BRINP2: variants seen among roughly 807,000 people sequenced by gnomAD.
The protein encoded by BRINP2 is BMP/retinoic acid-inducible neural-specific protein 2.
A neutral mutation model predicts 69.2 loss-of-function variants in BRINP2; 21 were observed. The ratio of observed to expected loss-of-function variants is 0.30; its 90% confidence interval spans 0.22 to 0.44. BRINP2 has a LOEUF of 0.44. Ranked by LOEUF, BRINP2 falls within the 20% of genes least tolerant of loss-of-function variation. The probability of loss-of-function intolerance (pLI) is 1.00; values close to 1 mark genes in which losing one functional copy is unlikely to be tolerated. For synonymous variants in BRINP2, 380 were observed against 394.1 expected (o/e 0.96, Z 0.42); for missense variants, 877 against 986.0 (o/e 0.89, Z 1.48).
At chr1:177,243,149 C>A (rs1267017248) in intron 2 of BRINP2, among the ~76,000 whole-genome samples, 2 of 151,800 alleles carry the variant, frequency 1.3e-5, no homozygotes, top group Admixed American at 1.3e-4. Context: ...AATGAGAAAT[C>A]TAGAGAAGAG....
intron 4 of BRINP2, among the ~76,000 whole-genome samples, chr1:177,267,536 T>A (rs557260677): frequency 7.9e-4 from 120 of 152,340 alleles, no homozygotes; most frequent in Admixed American, 1.8e-3. Flanking sequence ...ATGTCCTCGG[T>A]TCCTGATATA....
chr1:177,260,084 A>G (rs1650897953), intron 4 of BRINP2, among the ~76,000 whole-genome samples: 1 of 152,246 alleles, frequency 6.6e-6, no homozygotes, highest in Non-Finnish European at 1.5e-5. Context: ...TCTAGATGCC[A>G]TTATGAACAT....
intron 1 of BRINP2, among the ~76,000 whole-genome samples, chr1:177,199,332 G>A (rs1364984578): frequency 6.6e-6 from 1 of 152,072 alleles, no homozygotes; most frequent in African/African-American, 2.4e-5. Context: ...ACTTTTTAAG[G>A]ACAACTTTGC....
At chr1:177,229,765 G>A (rs903383046) in intron 1 of BRINP2, 36 bp from the exon 2 acceptor site, 9 of 1,422,526 alleles carry the variant, frequency 6.3e-6, no homozygotes, top group Non-Finnish European at 8.5e-6. Context: ...GGGGTAACAG[G>A]GTGCTCAAAT....
At chr1:177,222,287 T>C (rs1187794737) in intron 1 of BRINP2, among the ~76,000 whole-genome samples, 1 of 152,156 alleles carries the variant, frequency 6.6e-6, no homozygotes, top group Non-Finnish European at 1.5e-5. Context: ...CACACAGCAC[T>C]CACCATGGGC....
chr1:177,244,454 T>G (rs546117868), intron 2 of BRINP2, among the ~76,000 whole-genome samples: 1 of 152,178 alleles, frequency 6.6e-6, no homozygotes, highest in African/African-American at 2.4e-5. Context: ...AACAGCAAAA[T>G]TCAGTAGTTT....
At chr1:177,277,243 C>T (rs1413281004) in intron 6 of BRINP2, among the ~76,000 whole-genome samples, 1 of 150,858 alleles carries the variant, frequency 6.6e-6, no homozygotes, top group Non-Finnish European at 1.5e-5. Context: ...ATAATGTTTA[C>T]AAACAGGATA....
chr1:177,176,799 C>T (rs1230635932), intron 1 of BRINP2, among the ~76,000 whole-genome samples: 1 of 152,080 alleles, frequency 6.6e-6, no homozygotes, highest in Non-Finnish European at 1.5e-5. Flanking sequence ...ATTAAGCCCA[C>T]CCAAAGCCTT....
chr1:177,280,314 C>A, intron 7 of BRINP2, 98 bp from the exon 8 acceptor site: 1 of 1,227,226 alleles, frequency 8.1e-7, no homozygotes, highest in Non-Finnish European at 1.1e-6. Context: ...TTCCTCATTG[C>A]CTTCCACGCC....
chr1:177,258,145 A>G (rs1034304716), intron 4 of BRINP2, among the ~76,000 whole-genome samples: 3 of 152,224 alleles, frequency 2.0e-5, no homozygotes, highest in Admixed American at 6.5e-5. Context: ...TTTAATAACT[A>G]TAACCTTCAT....
intron 1 of BRINP2, among the ~76,000 whole-genome samples, chr1:177,207,633 C>G (rs886657360): frequency 6.6e-6 from 1 of 152,126 alleles, no homozygotes; most frequent in Admixed American, 6.6e-5. Context: ...CTGCATCTTT[C>G]TCTATGAAAC....
chr1:177,191,786 A>T (rs1470427031), intron 1 of BRINP2, among the ~76,000 whole-genome samples: 1 of 152,178 alleles, frequency 6.6e-6, no homozygotes, highest in Non-Finnish European at 1.5e-5. Flanking sequence ...GGTTCATTTG[A>T]TTCATGTGTC....
intron 1 of BRINP2, among the ~76,000 whole-genome samples, chr1:177,206,592 AG>A: frequency 6.6e-6 from 1 of 152,218 alleles, no homozygotes; most frequent in Non-Finnish European, 1.5e-5. Flanking sequence ...TTGGCCTTAA[AG>A]CACGTGGTCA....
At chr1:177,271,409 G>A (rs1024278149) in intron 4 of BRINP2, among the ~76,000 whole-genome samples, 8 of 152,212 alleles carry the variant, frequency 5.3e-5, no homozygotes, top group Non-Finnish European at 7.3e-5. Flanking sequence ...GTGATGGCAT[G>A]TAAAGGGTTT....
In BRINP2 at chr1:177,273,493, C is replaced by T. The variant is rs976932; in HGVS notation, c.675C>T (p.Thr225=). ...IQIATGAIKV[T]ETRTGPLGCS... ...CCTACTCCTTCCTTCTCTAGGTCAC[C>T]GAGACCAGGACCGGTCCTCTGGGCT... Residue 225 remains threonine, a synonymous_variant, in exon 5 of 8, where the codon ACC becomes ACT. Transcript: ENST00000361539. The T allele has an allele frequency of 3.1e-3, 4,972 of 1,608,474 alleles. 138 individuals carry two copies. The African/African-American group carries it at 0.058, about 19-fold the overall frequency.
At chr1:177,172,976 C>G (rs542388961) in intron 1 of BRINP2, among the ~76,000 whole-genome samples, 1 of 152,290 alleles carries the variant, frequency 6.6e-6, no homozygotes, top group East Asian at 1.9e-4. Context: ...CTCTCTCTGA[C>G]CATGCTCGCT....
At chr1:177,212,236 A>G (rs1385945288) in intron 1 of BRINP2, among the ~76,000 whole-genome samples, 1 of 152,144 alleles carries the variant, frequency 6.6e-6, no homozygotes, top group African/African-American at 2.4e-5. Context: ...ACATACACCC[A>G]TTATTTTTAG....
intron 1 of BRINP2, among the ~76,000 whole-genome samples, chr1:177,201,847 G>A (rs1051594913): frequency 2.0e-5 from 3 of 152,084 alleles, no homozygotes. Context: ...TTTTTGGTTG[G>A]TAAGCTATTA....
chr1:177,241,057 C>T (rs868186913), intron 2 of BRINP2, among the ~76,000 whole-genome samples: 8 of 151,966 alleles, frequency 5.3e-5, no homozygotes, highest in Non-Finnish European at 1.2e-4. Flanking sequence ...CTGTAAACTC[C>T]GCCTCCCGGG....
Sources: gnomAD v4.1 joint callset for allele counts (sites outside exome capture counted in the v4.1 genomes callset) on GRCh38, gnomAD v4.1.1 for gene constraint, MANE v1.5 for transcripts, NCBI Gene and HGNC (gene_info 2026-07-23, HGNC 2026-07-21) for gene names.